The following CERS6 variants were observed in gnomAD, a reference collection of about 807,000 sequenced individuals.
CERS6 encodes the protein ceramide synthase 6.
CERS6 carries 26 observed loss-of-function variants against 56.8 expected under a neutral mutation model. The observed-to-expected ratio is 0.46, with a 90% confidence interval of 0.34 to 0.63. CERS6 has a LOEUF of 0.63. Ranked by LOEUF, CERS6 falls within the 30% of genes least tolerant of loss-of-function variation. The pLI is 0.01. For missense variants in CERS6, 415 were observed against 467.5 expected, an observed-to-expected ratio of 0.89 and a Z score of 1.04; for synonymous variants, 164 against 173.3, an observed-to-expected ratio of 0.95 and a Z score of 0.42.
rs566969089 is a variant in CERS6 at position 168,614,424 on chromosome 2, A to G, written c.408-16561A>G. Reference sequence around the variant, plus strand: ...ATTGTGTGACTGGTATGTCAGGGCAATTGAAAGAGCCCAGCTGGCTTTCAC... The same window carrying G: ...ATTGTGTGACTGGTATGTCAGGGCAGTTGAAAGAGCCCAGCTGGCTTTCAC... On this transcript the variant is annotated intron_variant, in intron 3 of 9. Transcript: ENST00000305747. Among the ~76,000 whole-genome samples the G allele has an allele frequency of 7.2e-5, 11 of 152,308 alleles. No individual in the cohort carries two copies. The East Asian group carries it at 2.1e-3, about 29-fold the overall frequency.
intron 4 of CERS6, among the ~76,000 whole-genome samples, chr2:168,658,161 C>T (rs1215262586): frequency 6.6e-6 from 1 of 152,140 alleles, no homozygotes; most frequent in Non-Finnish European, 1.5e-5. Flanking sequence ...AATAATTGGA[C>T]CTACCTAAGA....
intron 1 of CERS6, among the ~76,000 whole-genome samples, chr2:168,496,539 C>G (rs7605045): frequency 6.6e-6 from 1 of 152,068 alleles, no homozygotes; most frequent in African/African-American, 2.4e-5. Flanking sequence ...CTGGGACACC[C>G]GCACACAGAG....
At chr2:168,548,270 A>G (rs1695503129) in intron 2 of CERS6, among the ~76,000 whole-genome samples, 1 of 152,098 alleles carries the variant, frequency 6.6e-6, no homozygotes, top group Non-Finnish European at 1.5e-5. Flanking sequence ...GGGAGGAGAT[A>G]CTCAATCTGG....
intron 3 of CERS6, among the ~76,000 whole-genome samples, chr2:168,616,258 A>G (rs370982149): frequency 3.7e-4 from 56 of 152,322 alleles, no homozygotes; most frequent in African/African-American, 1.3e-3. Flanking sequence ...ACACATCAAA[A>G]CAGAACCTCT....
intron 4 of CERS6, among the ~76,000 whole-genome samples, chr2:168,634,311 C>G (rs1216242222): frequency 6.6e-6 from 1 of 152,160 alleles, no homozygotes; most frequent in Admixed American, 6.5e-5. Flanking sequence ...TTAAGGTGCT[C>G]TGAAGTCCTA....
chr2:168,688,880 G>A (rs1270898126), intron 4 of CERS6, among the ~76,000 whole-genome samples: 1 of 152,126 alleles, frequency 6.6e-6, no homozygotes, highest in African/African-American at 2.4e-5. Context: ...GCAGATCTAG[G>A]GGATGCACAT....
chr2:168,525,158 G>A (rs1322498552), intron 1 of CERS6, among the ~76,000 whole-genome samples: 1 of 152,176 alleles, frequency 6.6e-6, no homozygotes, highest in East Asian at 1.9e-4. Context: ...CATTCCTTAA[G>A]ACCAGTCTGT....
At chr2:168,551,367 T>C (rs1695568060) in intron 2 of CERS6, among the ~76,000 whole-genome samples, 1 of 152,198 alleles carries the variant, frequency 6.6e-6, no homozygotes, top group Admixed American at 6.5e-5. Context: ...TAAATGTCAA[T>C]TAGAAGTCTT....
intron 1 of CERS6, among the ~76,000 whole-genome samples, chr2:168,510,243 A>G (rs983591887): frequency 2.0e-5 from 3 of 152,220 alleles, no homozygotes; most frequent in Non-Finnish European, 4.4e-5. Context: ...CATTTCAGTT[A>G]ACAGAACCCA....
chr2:168,627,801 G>A (rs77740328), intron 3 of CERS6, among the ~76,000 whole-genome samples: 2,616 of 151,930 alleles, frequency 0.017, 100 homozygotes, highest in East Asian at 0.16. Context: ...CTCAGAAACA[G>A]CTATAATTAG....
chr2:168,709,548 G>C (rs1687037616), intron 6 of CERS6, among the ~76,000 whole-genome samples: 1 of 152,090 alleles, frequency 6.6e-6, no homozygotes, highest in Admixed American at 6.6e-5. Context: ...CAATATGGTA[G>C]AATAGCAGGA....
intron 8 of CERS6, among the ~76,000 whole-genome samples, chr2:168,735,732 A>T (rs1327091602): frequency 6.6e-6 from 1 of 151,686 alleles, no homozygotes; most frequent in Non-Finnish European, 1.5e-5. Context: ...AAAAAAAAAA[A>T]TCAGCCAGGC....
At chr2:168,713,746 A>C (rs1032864212) in intron 6 of CERS6, among the ~76,000 whole-genome samples, 1 of 152,186 alleles carries the variant, frequency 6.6e-6, no homozygotes, top group East Asian at 1.9e-4. Context: ...ACAAGCATGC[A>C]TATGTACCCC....
At chr2:168,569,485 T>C (rs1695942530) in intron 3 of CERS6, among the ~76,000 whole-genome samples, 1 of 152,244 alleles carries the variant, frequency 6.6e-6, no homozygotes, top group African/African-American at 2.4e-5. Flanking sequence ...CTGGTGTGAC[T>C]AAGGTAGCTT....
At chr2:168,564,236 C>G (rs1695844124) in intron 3 of CERS6, among the ~76,000 whole-genome samples, 1 of 152,186 alleles carries the variant, frequency 6.6e-6, no homozygotes. Flanking sequence ...TCTGCGGGCT[C>G]CAACTGGCAG....
At chr2:168,768,238 TG>T (rs1396113254) in intron 9 of CERS6, among the ~76,000 whole-genome samples, 19 of 151,340 alleles carry the variant, frequency 1.3e-4, no homozygotes, top group Middle Eastern at 3.4e-3. Flanking sequence ...TGTTTTGTTT[TG>T]TTTTTTTTTT....
In CERS6 at chr2:168,679,352, A is replaced by G. The variant is rs528413134; in HGVS notation, c.466-11682A>G. On this transcript the variant is annotated intron_variant, in intron 4 of 9. Coordinates refer to ENST00000305747, the MANE Select transcript of CERS6 (RefSeq NM_203463.3). Reference sequence around the variant, plus strand: ...TCACCACAAAGAAACAATTACATGCATGAGGTGATGGATATATGAACTACC... The same window carrying G: ...TCACCACAAAGAAACAATTACATGCGTGAGGTGATGGATATATGAACTACC... Among the ~76,000 whole-genome samples the G allele has an allele frequency of 9.2e-5, 14 of 152,346 alleles. No individual in the cohort carries two copies. The South Asian group carries it at 1.4e-3, about 16-fold the overall frequency.
chr2:168,600,419 T>C (rs1683906763), intron 3 of CERS6, among the ~76,000 whole-genome samples: 1 of 152,164 alleles, frequency 6.6e-6, no homozygotes, highest in South Asian at 2.1e-4. Context: ...TTAGCCAGGA[T>C]GGTCTCGATC....
At chr2:168,643,223 A>T (rs1685089612) in intron 4 of CERS6, among the ~76,000 whole-genome samples, 1 of 152,206 alleles carries the variant, frequency 6.6e-6, no homozygotes, top group South Asian at 2.1e-4. Context: ...AAAGAAATTG[A>T]TAAAGTGATA....
Sources: allele counts gnomAD v4.1 joint callset (sites outside exome capture counted in the v4.1 genomes callset), GRCh38; gene constraint gnomAD v4.1.1; transcripts MANE v1.5; gene names NCBI Gene and HGNC (gene_info 2026-07-23, HGNC 2026-07-21).